The following WWC2 variants were observed in gnomAD, a reference collection of about 807,000 sequenced individuals.
WWC2 encodes WW and C2 domain containing 2.
In WWC2, 101 loss-of-function variants were observed where a neutral mutation model predicts 138.5. That is an observed-to-expected ratio of 0.73 (90% confidence interval 0.62 to 0.86). The LOEUF is 0.86. WWC2 is among the 40% of genes least tolerant of loss of function. The probability of loss-of-function intolerance (pLI) is 0.00; values close to 1 mark genes in which losing one functional copy is unlikely to be tolerated. For synonymous variants in WWC2, 558 were observed against 538.4 expected (o/e 1.04, Z -0.50); for missense variants, 1,420 against 1,419.4 (o/e 1.00, Z -0.01).
chr4:183,200,721 CCT>C (rs1735274050), intron 2 of WWC2, among the ~76,000 whole-genome samples: 2 of 152,146 alleles, frequency 1.3e-5, no homozygotes, highest in Non-Finnish European at 1.5e-5. Flanking sequence ...GCCACGTGGG[CCT>C]CTCCACAGGA....
intron 2 of WWC2, among the ~76,000 whole-genome samples, chr4:183,205,110 G>C (rs1735411773): frequency 6.6e-6 from 1 of 152,168 alleles, no homozygotes. Context: ...ACAAGTTGTA[G>C]GATTGCTAGG....
At chr4:183,196,566 G>A (rs932455994) in intron 2 of WWC2, among the ~76,000 whole-genome samples, 1 of 152,162 alleles carries the variant, frequency 6.6e-6, no homozygotes, top group African/African-American at 2.4e-5. Context: ...CTTTCCCAGA[G>A]TCCAGATGCA....
intron 1 of WWC2, among the ~76,000 whole-genome samples, chr4:183,127,236 A>G (rs926897848): frequency 6.6e-6 from 1 of 152,220 alleles, no homozygotes; most frequent in Admixed American, 6.5e-5. Context: ...AAATAGATGA[A>G]TAATCTTCAA....
chr4:183,241,062 G>A (rs1354308629), intron 5 of WWC2, among the ~76,000 whole-genome samples: 1 of 152,300 alleles, frequency 6.6e-6, no homozygotes, highest in East Asian at 1.9e-4. Context: ...AGCAGTCCAT[G>A]GTTTTCACAG....
At chr4:183,175,787 G>A (rs934654624) in intron 1 of WWC2, among the ~76,000 whole-genome samples, 1 of 152,150 alleles carries the variant, frequency 6.6e-6, no homozygotes, top group African/African-American at 2.4e-5. Context: ...GAAAGCACTG[G>A]GAAACAGAGC....
chr4:183,271,729 C>T (rs1167630501), intron 16 of WWC2, among the ~76,000 whole-genome samples: 9 of 152,066 alleles, frequency 5.9e-5, no homozygotes, highest in African/African-American at 1.4e-4. Flanking sequence ...GAAGGCCAGG[C>T]GTGGTGGCTC....
At chr4:183,129,941 G>A (rs72693704) in intron 1 of WWC2, among the ~76,000 whole-genome samples, 2 of 151,966 alleles carry the variant, frequency 1.3e-5, no homozygotes, top group Non-Finnish European at 2.9e-5. Flanking sequence ...GTGCAGGGCT[G>A]TTGTGTTTTC....
intron 8 of WWC2, among the ~76,000 whole-genome samples, chr4:183,251,352 T>G (rs1736976341): frequency 6.6e-6 from 1 of 152,226 alleles, no homozygotes; most frequent in South Asian, 2.1e-4. Flanking sequence ...TCTGCTTTTC[T>G]GAAAGAGAAT....
intron 12 of WWC2, among the ~76,000 whole-genome samples, 158 bp downstream of exon 12, chr4:183,265,265 C>T (rs1197348260): frequency 6.6e-6 from 1 of 152,162 alleles, no homozygotes; most frequent in Non-Finnish European, 1.5e-5. Flanking sequence ...TTCAGTATAT[C>T]AAAAATGACT....
At chr4:183,294,812 G>T (rs1204622987) in intron 21 of WWC2, among the ~76,000 whole-genome samples, 1 of 151,688 alleles carries the variant, frequency 6.6e-6, no homozygotes, top group Non-Finnish European at 1.5e-5. Flanking sequence ...TTTTACTGTT[G>T]TTGATGAATG....
intron 1 of WWC2, among the ~76,000 whole-genome samples, chr4:183,176,261 T>G (rs1734464734): frequency 6.6e-6 from 1 of 152,128 alleles, no homozygotes; most frequent in African/African-American, 2.4e-5. Context: ...GGTATGGGAT[T>G]GATTTGTGGC....
At chr4:183,193,532 T>G (rs1580043432) in intron 1 of WWC2, 67 bp from the exon 2 acceptor site, 1 of 1,373,578 alleles carries the variant, frequency 7.3e-7, no homozygotes, top group East Asian at 2.3e-5. Flanking sequence ...GTGGTTAGGG[T>G]GCTGAATTTT....
At chr4:183,175,308 C>T (rs1013395119) in intron 1 of WWC2, among the ~76,000 whole-genome samples, 1 of 152,140 alleles carries the variant, frequency 6.6e-6, no homozygotes, top group Non-Finnish European at 1.5e-5. Context: ...GTTGCCCAGG[C>T]TGGAGTGCAG....
intron 1 of WWC2, among the ~76,000 whole-genome samples, chr4:183,147,211 CT>C (rs1173860415): frequency 6.6e-6 from 1 of 152,188 alleles, no homozygotes; most frequent in Non-Finnish European, 1.5e-5. Context: ...AGTTCTTGTT[CT>C]ATCCCAGATG....
chr4:183,225,738 C>T (rs1470127408), intron 4 of WWC2, among the ~76,000 whole-genome samples: 5 of 152,270 alleles, frequency 3.3e-5, no homozygotes, highest in Middle Eastern at 3.4e-3. Flanking sequence ...AGTGATGTAG[C>T]AGAGAACAGA....
In WWC2 at chr4:183,265,764, C is replaced by T; in HGVS notation, c.2116C>T (p.Leu706Phe). The change falls in exon 13 of 23, where the codon CTC (leucine) becomes TTC (phenylalanine). Residue 706 changes from leucine (L) to phenylalanine (F), a missense_variant. Leu to Phe is a conservative substitution (Grantham distance 22). Transcript: ENST00000403733. Reference protein sequence around the residue: ...IVETAQVQIGLRYNAKSSSFM... With the variant: ...IVETAQVQIGFRYNAKSSSFM... ...AGAGACCGCCCAGGTTCAGATAGGA[C>T]TCAGGTAAGGAATGTACGTGGGAAA... The T allele has an allele frequency of 1.9e-6, 3 of 1,611,020 alleles. No individual in the cohort carries two copies. Among genetic ancestry groups the T allele is most frequent in the South Asian group, 2.2e-5 (2 of 90,174 alleles).
rs1416145610 is a variant in WWC2, at chr4:183,318,292, A to C, written c.*2563A>C. ...TGTAGCATGCAAATCAAATAAATTAAAATTTTTTGCTATTGCTTTATCTAT... is the reference window on the plus strand; with the variant it reads ...TGTAGCATGCAAATCAAATAAATTACAATTTTTTGCTATTGCTTTATCTAT... On this transcript the variant is annotated 3_prime_UTR_variant, in exon 23 of 23. Coordinates refer to ENST00000403733, the MANE Select transcript of WWC2 (RefSeq NM_024949.6). 2.0e-5 allele frequency: 3 copies of C among 152,622 alleles called. No individual in the cohort carries two copies. Among genetic ancestry groups the C allele is most frequent in the Non-Finnish European group, 4.4e-5 (3 of 68,032 alleles). 9.5% of individuals were successfully genotyped at this position (152,622 alleles called of 1,614,324 possible).
chr4:183,265,634 A>G, intron 12 of WWC2, 54 bp from the exon 13 acceptor site: 3 of 1,529,694 alleles, frequency 2.0e-6, no homozygotes. Context: ...ACTGTTAACC[A>G]TAACAATCGA....
intron 21 of WWC2, among the ~76,000 whole-genome samples, chr4:183,311,321 A>G (rs1270195901): frequency 1.3e-5 from 2 of 152,358 alleles, no homozygotes; most frequent in South Asian, 2.1e-4. Context: ...CAGTGAGGAA[A>G]GTGAGTTACA....
Sources: gnomAD v4.1 joint callset for allele counts (sites outside exome capture counted in the v4.1 genomes callset) on GRCh38, gnomAD v4.1.1 for gene constraint, MANE v1.5 for transcripts, NCBI Gene and HGNC (gene_info 2026-07-23, HGNC 2026-07-21) for gene names.